LAMP2: variants seen among roughly 807,000 people sequenced by gnomAD.
The protein encoded by LAMP2 is lysosome-associated membrane glycoprotein 2.
A neutral mutation model predicts 25.6 loss-of-function variants in LAMP2; 4 were observed. The observed-to-expected ratio is 0.16, with a 90% CI of 0.08 to 0.36. The LOEUF is 0.36. Ranked by LOEUF, LAMP2 falls within the 10% of genes least tolerant of loss-of-function variation. The pLI is 1.00. For missense variants in LAMP2, 272 were observed against 301.4 expected (o/e 0.90, Z 0.72); for synonymous variants, 108 against 112.7 (o/e 0.96, Z 0.27).
intron 8 of LAMP2, chrX:120,437,765 A>G (rs1406267626): frequency 5.3e-6 from 4 of 750,823 alleles, no homozygotes; most frequent in South Asian, 6.8e-5. Flanking sequence ...GTAGCAATCA[A>G]TGCAAGCTGG....
Position 120,430,103 on chromosome X carries a change from G to T in LAMP2, c.*1220C>A, listed in dbSNP as rs1045970755. ...GATACACTGTATTGTTAATCAGGAA[G>T]TTATAGAGACTCTGATCATGCCCCT... On this transcript the variant is annotated 3_prime_UTR_variant, in exon 9 of 9. Transcript: ENST00000200639. 1.3e-4 allele frequency: 101 copies of T among 751,474 alleles called. No homozygotes were observed. In the Admixed American group the frequency reaches 1.5e-3, roughly 11 times the overall value. 61.9% of individuals were successfully genotyped at this position (751,474 alleles called of 1,213,427 possible).
intron 1 of LAMP2, among the ~76,000 whole-genome samples, chrX:120,464,391 G>T (rs139946933): frequency 9.0e-6 from 1 of 111,076 alleles, no homozygotes; most frequent in Non-Finnish European, 1.9e-5. Context: ...AATTCACTAC[G>T]GGTTAACCAT....
chrX:120,432,410 A>C (rs1177056234), intron 8 of LAMP2, among the ~76,000 whole-genome samples: 1 of 111,347 alleles, frequency 9.0e-6, no homozygotes, highest in Non-Finnish European at 1.9e-5. Flanking sequence ...TGATGAAAAA[A>C]AAATTCAGCA....
rs1176181374 is a variant in LAMP2 at position 120,449,114 on chromosome X, CAACAGT to C, written c.406_411del (p.Thr136_Val137del). 1 of 1,198,864 alleles carries C rather than the reference CAACAGT, an allele frequency of 8.3e-7. No homozygotes were observed. The highest frequency in any genetic ancestry group is 2.2e-5 in the Admixed American group (1 of 46,008). On this transcript the variant is annotated inframe_deletion, in exon 4 of 9. Transcript: ENST00000200639. Reference sequence around the variant, plus strand: ...GGAATTCTGATGGCCAAAAGTTCATCAACAGTAAGAATTCCTATAAAACAAGATTAA... The same window carrying C: ...GGAATTCTGATGGCCAAAAGTTCATCAAGAATTCCTATAAAACAAGATTAA...
At chrX:120,434,707 T>C (rs1395551941) in intron 8 of LAMP2, among the ~76,000 whole-genome samples, 1 of 112,489 alleles carries the variant, frequency 8.9e-6, no homozygotes, top group African/African-American at 3.2e-5. Flanking sequence ...AGAAGTTTCA[T>C]GTAGATTAAA....
intron 1 of LAMP2, among the ~76,000 whole-genome samples, chrX:120,466,280 T>A (rs1015906715): frequency 2.7e-5 from 3 of 112,121 alleles, no homozygotes; most frequent in Admixed American, 1.9e-4. Context: ...CAAAAAAAAA[T>A]TTAATGACAT....
intron 8 of LAMP2, among the ~76,000 whole-genome samples, chrX:120,434,881 C>G (rs2058536521): frequency 2.7e-5 from 3 of 111,890 alleles, no homozygotes; most frequent in African/African-American, 9.8e-5. Context: ...ATAATAACAG[C>G]AGTTCAGGAG....
At position 120,455,390 on chromosome X, in the gene LAMP2, C is replaced by T. The variant is rs730880480; in HGVS notation, c.364G>A (p.Asp122Asn). 6 of 1,208,535 alleles carry T rather than the reference C, an allele frequency of 5.0e-6. No individual in the cohort carries two copies. Among genetic ancestry groups the T allele is most frequent in the Non-Finnish European group, 6.7e-6 (6 of 892,928 alleles). ...DSVSFSYNTG[D>N]NTTFPDAEDK... ...TCAGCATCAGGAAATGTTGTGTTAT[C>T]ACCAGTGTTGTAGGAAAATGAGACG... The change falls in exon 3 of 9, where the codon GAT (aspartate) becomes AAT (asparagine). Residue 122 changes from aspartate (D) to asparagine (N), a missense_variant. Physicochemically the swap from Asp to Asn is conservative, Grantham distance 23. Transcript: ENST00000200639.
In LAMP2 at chrX:120,430,516, C is replaced by A. The variant is rs2058518600; in HGVS notation, c.*807G>T. On this transcript the variant is annotated 3_prime_UTR_variant, in exon 9 of 9. Coordinates refer to ENST00000200639, the MANE Select transcript of LAMP2 (RefSeq NM_002294.3). ...TAGTTCATAGAATATTTCTATCTTT[C>A]AATACTAATCAGGCATCCAAAGAAG... 2 of 746,315 alleles carry A rather than the reference C, an allele frequency of 2.7e-6. No homozygotes were observed. Among genetic ancestry groups the A allele is most frequent in the African/African-American group, 4.6e-5 (2 of 43,366 alleles). The allele number at this position is 746,315 out of a possible 1,213,427, so 61.5% of individuals were successfully genotyped here.
chrX:120,438,619 A>AGGT, intron 8 of LAMP2: 1 of 755,403 alleles, frequency 1.3e-6, no homozygotes, highest in African/African-American at 2.3e-5. Flanking sequence ...CCCTGTTCAA[A>AGGT]TCTACTATTA....
rs956130181 is a variant in LAMP2 at position 120,429,888 on chromosome X, A to G, written c.*1435T>C. 2 of 750,371 alleles carry G rather than the reference A, an allele frequency of 2.7e-6. No individual in the cohort carries two copies. The highest frequency in any genetic ancestry group is 4.6e-5 in the African/African-American group (2 of 43,312). 61.8% of individuals were successfully genotyped at this position (750,371 alleles called of 1,213,427 possible). The stretch of plus-strand genomic sequence containing the variant: ...CAAAATGTGTTATCTGGTGTGATTT[A>G]TGATTAAGCAATAACTTGTACTTTT... On this transcript the variant is annotated 3_prime_UTR_variant, in exon 9 of 9. Coordinates refer to ENST00000200639, the MANE Select transcript of LAMP2 (RefSeq NM_002294.3).
At chrX:120,446,228 T>G in intron 6 of LAMP2, 77 bp downstream of exon 6, 3 of 902,014 alleles carry the variant, frequency 3.3e-6, no homozygotes, top group East Asian at 3.3e-5. Context: ...AATACCCCCC[T>G]CCCCCCATGC....
intron 1 of LAMP2, among the ~76,000 whole-genome samples, chrX:120,461,829 T>C (rs1921323746): frequency 8.9e-6 from 1 of 112,281 alleles, no homozygotes; most frequent in African/African-American, 3.2e-5. Flanking sequence ...GAGAGGCCAG[T>C]CCTTTAGCTC....
At chrX:120,438,044 A>G (rs1371417361) in intron 8 of LAMP2, 2 of 260,051 alleles carry the variant, frequency 7.7e-6, no homozygotes, top group Admixed American at 9.3e-5. Flanking sequence ...TCTGATAGAG[A>G]TGGGGTTTCA....
intron 1 of LAMP2, among the ~76,000 whole-genome samples, chrX:120,466,530 C>A (rs182689668): frequency 9.0e-6 from 1 of 111,587 alleles, no homozygotes; most frequent in Admixed American, 9.6e-5. Flanking sequence ...CAAGCAAAGC[C>A]TGCCTCAAGG....
chrX:120,445,609 T>C lies in LAMP2; in HGVS notation c.864+696A>G, dbSNP rs1247029582. On this transcript the variant is annotated intron_variant, in intron 6 of 8. Transcript: ENST00000200639. ...TCCACCAGTCTCATTTGCCACAACA[T>C]GTTCACACATACATCCCTTCACAGA... 2.7e-5 allele frequency among the ~76,000 whole-genome samples: 3 copies of C among 112,393 alleles called. No homozygotes were observed. In the Admixed American group the frequency reaches 2.8e-4, roughly 11 times the overall value.
intron 6 of LAMP2, among the ~76,000 whole-genome samples, chrX:120,444,399 T>A (rs1165425813): frequency 9.0e-6 from 1 of 111,466 alleles, no homozygotes; most frequent in East Asian, 2.8e-4. Flanking sequence ...CATATAACAC[T>A]CCTCATTCTC....
chrX:120,435,024 G>A (rs1238183912), intron 8 of LAMP2, among the ~76,000 whole-genome samples: 1 of 111,193 alleles, frequency 9.0e-6, no homozygotes, highest in Non-Finnish European at 1.9e-5. Context: ...CAGCTACTTG[G>A]GAGGCTGAGG....
intron 3 of LAMP2, among the ~76,000 whole-genome samples, chrX:120,453,186 T>C (rs961896153): frequency 8.9e-6 from 1 of 111,932 alleles, no homozygotes; most frequent in Non-Finnish European, 1.9e-5. Flanking sequence ...GATAAACTGA[T>C]AAGATAGCCA....
Sources: allele counts gnomAD v4.1 joint callset (sites outside exome capture counted in the v4.1 genomes callset), GRCh38; gene constraint gnomAD v4.1.1; transcripts MANE v1.5; gene names NCBI Gene and HGNC (gene_info 2026-07-23, HGNC 2026-07-21).